Variants in SPATA6 observed in about 807,000 individuals in gnomAD.
SPATA6 encodes spermatogenesis-associated protein 6.
Under a neutral mutation model 65.3 loss-of-function variants are expected in SPATA6, and 56 were observed. The ratio of observed to expected loss-of-function variants is 0.86; its 90% CI spans 0.69 to 1.07. The LOEUF (loss-of-function observed/expected upper bound fraction) is 1.07. Ranked by LOEUF, SPATA6 falls within the 50% of genes least tolerant of loss-of-function variation. The probability of loss-of-function intolerance (pLI) is 0.00; values close to 1 mark genes in which losing one functional copy is unlikely to be tolerated. For missense variants in SPATA6, 590 were observed against 594.8 expected, an observed-to-expected ratio of 0.99 and a Z score of 0.08; for synonymous variants, 199 against 213.2, an observed-to-expected ratio of 0.93 and a Z score of 0.58.
intron 3 of SPATA6, among the ~76,000 whole-genome samples, chr1:48,446,678 C>T (rs757525829): frequency 5.9e-5 from 9 of 152,062 alleles, no homozygotes; most frequent in Non-Finnish European, 1.2e-4. Flanking sequence ...TTATATGAAG[C>T]AAAACCTGAT....
intron 8 of SPATA6, among the ~76,000 whole-genome samples, chr1:48,392,421 T>G (rs1650164431): frequency 6.6e-6 from 1 of 152,166 alleles, no homozygotes; most frequent in Non-Finnish European, 1.5e-5. Flanking sequence ...CAAGAGATAT[T>G]GAGTTTCTTC....
downstream of SPATA6, among the ~76,000 whole-genome samples, chr1:48,295,076 A>T (rs1170063694): frequency 6.6e-6 from 1 of 152,224 alleles, no homozygotes; most frequent in African/African-American, 2.4e-5. Flanking sequence ...TATGTGATGA[A>T]TAAATTGATG....
intron 11 of SPATA6, among the ~76,000 whole-genome samples, chr1:48,331,626 A>C (rs924042212): frequency 3.9e-5 from 6 of 152,214 alleles, no homozygotes; most frequent in Non-Finnish European, 8.8e-5. Context: ...CATGAGGAGA[A>C]AGGAAGCAAC....
intron 10 of SPATA6, among the ~76,000 whole-genome samples, chr1:48,359,140 C>T (rs964909717): frequency 2.0e-5 from 3 of 152,134 alleles, no homozygotes; most frequent in Non-Finnish European, 4.4e-5. Context: ...GGAATCTTTA[C>T]ATGATTAAGA....
chr1:48,399,217 G>C, intron 7 of SPATA6, 134 bp downstream of exon 7: 1 of 1,053,114 alleles, frequency 9.5e-7, no homozygotes, highest in Non-Finnish European at 1.3e-6. Context: ...TCCCATCTTA[G>C]ACTGCTAGGG....
At chr1:48,328,658 G>C (rs1459280995) in intron 11 of SPATA6, among the ~76,000 whole-genome samples, 2 of 152,056 alleles carry the variant, frequency 1.3e-5, no homozygotes, top group Non-Finnish European at 2.9e-5. Context: ...CTTCTCTGTG[G>C]GGTGATGAAA....
chr1:48,419,237 C>A (rs1013071672), intron 3 of SPATA6, among the ~76,000 whole-genome samples: 2 of 152,120 alleles, frequency 1.3e-5, no homozygotes, highest in Admixed American at 6.5e-5. Context: ...AAAACAGAGA[C>A]TAAAGGCTAA....
chr1:48,382,639 C>CA (rs1648841425), intron 9 of SPATA6, among the ~76,000 whole-genome samples: 1 of 9,958 alleles, frequency 1.0e-4, no homozygotes, highest in Non-Finnish European at 3.4e-4. Flanking sequence ...ACCCCCCCCC[C>CA]CCCGCCTCCC....
At chr1:48,415,039 T>C (rs1242594625) in intron 3 of SPATA6, among the ~76,000 whole-genome samples, 1 of 151,654 alleles carries the variant, frequency 6.6e-6, no homozygotes, top group Non-Finnish European at 1.5e-5. Flanking sequence ...AGCAAGAGAT[T>C]CTTTAAAGAA....
At chr1:48,349,489 C>T (rs1173315030) in intron 11 of SPATA6, among the ~76,000 whole-genome samples, 6 of 152,028 alleles carry the variant, frequency 3.9e-5, no homozygotes, top group Non-Finnish European at 8.8e-5. Flanking sequence ...CCTTGGATGA[C>T]ACAACATCAT....
chr1:48,392,654 T>G (rs72893294), intron 8 of SPATA6, among the ~76,000 whole-genome samples: 2,205 of 152,182 alleles, frequency 0.014, 51 homozygotes, highest in African/African-American at 0.05. Context: ...TCAAATATAA[T>G]TAAATCCATC....
chr1:48,401,570 C>T (rs1354411494), intron 6 of SPATA6, among the ~76,000 whole-genome samples: 3 of 152,080 alleles, frequency 2.0e-5, no homozygotes, highest in Non-Finnish European at 2.9e-5. Flanking sequence ...AGTGCTTATC[C>T]TCTCTTATTC....
At chr1:48,443,475 C>G (rs1406611343) in intron 3 of SPATA6, among the ~76,000 whole-genome samples, 2 of 152,154 alleles carry the variant, frequency 1.3e-5, no homozygotes, top group African/African-American at 2.4e-5. Flanking sequence ...CACACACTCT[C>G]AAAGGATTTC....
At chr1:48,412,576 C>A (rs976676792) in intron 4 of SPATA6, among the ~76,000 whole-genome samples, 2 of 152,162 alleles carry the variant, frequency 1.3e-5, no homozygotes, top group African/African-American at 4.8e-5. Flanking sequence ...AGTAGATCAA[C>A]AATAGAAATC....
At chr1:48,328,718 C>T (rs944385808) in intron 11 of SPATA6, among the ~76,000 whole-genome samples, 22 of 152,122 alleles carry the variant, frequency 1.4e-4, no homozygotes, top group Non-Finnish European at 2.6e-4. Context: ...AGCCATTGAA[C>T]TGTGTACTTA....
chr1:48,439,163 G>A lies in SPATA6; in HGVS notation c.238+12389C>T, dbSNP rs550812866. Among the ~76,000 whole-genome samples the A allele has an allele frequency of 6.9e-4, 105 of 152,172 alleles. 1 individual carries two copies. The highest frequency in any genetic ancestry group is 1.1e-3 in the Non-Finnish European group (72 of 68,004). ...ACACTTAGGACTCTAACAGGTTTTT[G>A]AGAATGAGTCAGTAAGAGCCACTAA... On this transcript the variant is annotated intron_variant, in intron 3 of 12. Coordinates refer to ENST00000371847, the MANE Select transcript of SPATA6 (RefSeq NM_019073.4).
rs1209961857 is a variant in SPATA6 at position 48,298,032 on chromosome 1, A to G, written c.*681T>C. ...GAAAAAAAATCATGCAAAGAATTTT[A>G]TCTTTAAAAATTAGTTATTCAAATT... On this transcript the variant is annotated 3_prime_UTR_variant, in exon 13 of 13. Transcript: ENST00000371847. 2 of 152,206 alleles carry G rather than the reference A, an allele frequency of 1.3e-5. No homozygotes were observed. The highest frequency in any genetic ancestry group is 1.3e-4 in the Admixed American group (2 of 15,284). 9.4% of individuals were successfully genotyped at this position (152,206 alleles called of 1,614,324 possible).
At chr1:48,323,437 A>C (rs1645659131) in intron 11 of SPATA6, among the ~76,000 whole-genome samples, 1 of 150,266 alleles carries the variant, frequency 6.7e-6, no homozygotes, top group East Asian at 2.0e-4. Context: ...GGGCTGGGGG[A>C]GGGATAGCAT....
chr1:48,291,663 C>G (rs545782237), downstream of SPATA6, among the ~76,000 whole-genome samples: 1 of 152,210 alleles, frequency 6.6e-6, no homozygotes, highest in African/African-American at 2.4e-5. Context: ...TTGCCCCAGG[C>G]TACAAGCATC....
Sources: gnomAD v4.1 joint callset for allele counts (sites outside exome capture counted in the v4.1 genomes callset) on GRCh38, gnomAD v4.1.1 for gene constraint, MANE v1.5 for transcripts, NCBI Gene and HGNC (gene_info 2026-07-23, HGNC 2026-07-21) for gene names.